The following RYR2 variants were observed in gnomAD, a reference collection of about 807,000 sequenced individuals.
RYR2 encodes cardiac muscle ryanodine receptor-calcium release channel.
In RYR2, 227 loss-of-function variants were observed where a neutral mutation model predicts 601.1. The ratio of observed to expected loss-of-function variants is 0.38; its 90% CI spans 0.34 to 0.42. RYR2 has a LOEUF of 0.42. RYR2 is among the 10% of genes least tolerant of loss of function. RYR2 has a pLI of 1.00. For missense variants in RYR2, 4,646 were observed against 6,156.5 expected, an observed-to-expected ratio of 0.75 and a Z score of 8.21; for synonymous variants, 2,223 against 2,175.1, an observed-to-expected ratio of 1.02 and a Z score of -0.61.
rs1243365063 is a variant in RYR2, at chr1:237,680,879, A to G, written c.9017+302A>G. On this transcript the variant is annotated intron_variant, in intron 62 of 104. Coordinates refer to ENST00000366574, the MANE Select transcript of RYR2 (RefSeq NM_001035.3). ...GCATCACCCTATTAGTATTTGTGATAAATGGTACTTTTGACATTAGTTTCT... is the reference window on the plus strand; with the variant it reads ...GCATCACCCTATTAGTATTTGTGATGAATGGTACTTTTGACATTAGTTTCT... Among the ~76,000 whole-genome samples the G allele has an allele frequency of 2.0e-5, 3 of 152,250 alleles. No homozygotes were observed. The East Asian group carries it at 5.8e-4, about 29-fold the overall frequency.
At position 237,599,948 on chromosome 1, in the gene RYR2, GTTGGA is replaced by G. The variant is rs563906491; in HGVS notation, c.4597-2070_4597-2066del. Among the ~76,000 whole-genome samples the G allele has an allele frequency of 3.7e-3, 565 of 152,170 alleles. 4 individuals carry two copies. The highest frequency in any genetic ancestry group is 0.01 in the Middle Eastern group (3 of 294). ...AATAAATGGAAAGATATCTCATGCT[GTTGGA>G]TTGGATGGATTGGAAGAATTAATAT... On this transcript the variant is annotated intron_variant, in intron 34 of 104. Coordinates refer to ENST00000366574, the MANE Select transcript of RYR2 (RefSeq NM_001035.3).
intron 1 of RYR2, among the ~76,000 whole-genome samples, chr1:237,202,089 G>A (rs1681259582): frequency 6.6e-6 from 1 of 152,154 alleles, no homozygotes; most frequent in Non-Finnish European, 1.5e-5. Flanking sequence ...TTCAAAAGAT[G>A]CTATTTGTTA....
chr1:237,411,408 C>T (rs1205772144), intron 10 of RYR2, among the ~76,000 whole-genome samples: 4 of 151,956 alleles, frequency 2.6e-5, no homozygotes, highest in Admixed American at 6.6e-5. Context: ...TTGTCCCGAG[C>T]GATTTTATAA....
chr1:237,124,715 C>A (rs1036518410), intron 1 of RYR2, among the ~76,000 whole-genome samples: 3 of 152,186 alleles, frequency 2.0e-5, no homozygotes, highest in Non-Finnish European at 4.4e-5. Context: ...CCTTAACCCT[C>A]CCTTGACAGG....
chr1:237,102,687 C>T (rs898665421), intron 1 of RYR2, among the ~76,000 whole-genome samples: 1 of 152,080 alleles, frequency 6.6e-6, no homozygotes, highest in Non-Finnish European at 1.5e-5. Flanking sequence ...GAAACCCCTT[C>T]TCTACTAAAA....
At chr1:237,715,513 G>A (rs1427965672) in intron 71 of RYR2, among the ~76,000 whole-genome samples, 2 of 152,236 alleles carry the variant, frequency 1.3e-5, no homozygotes, top group African/African-American at 4.8e-5. Context: ...ACTCAAAATT[G>A]AGCAATTTGT....
chr1:237,645,203 T>A (rs1049662481), intron 48 of RYR2, among the ~76,000 whole-genome samples: 1 of 152,202 alleles, frequency 6.6e-6, no homozygotes, highest in African/African-American at 2.4e-5. Flanking sequence ...GTCATGATTA[T>A]GAGAAAGTAA....
chr1:237,328,779 T>C (rs1696410927), intron 2 of RYR2, among the ~76,000 whole-genome samples: 1 of 152,212 alleles, frequency 6.6e-6, no homozygotes, highest in African/African-American at 2.4e-5. Flanking sequence ...TATGCTGTGA[T>C]GAAAAATCAT....
intron 80 of RYR2, chr1:237,754,956 G>C (rs1474329793): frequency 2.1e-6 from 1 of 476,130 alleles, no homozygotes; most frequent in Admixed American, 4.5e-5. Flanking sequence ...TCTTTTCTCT[G>C]CTTCCATTTA....
chr1:237,808,301 T>A (rs887641913), intron 99 of RYR2, among the ~76,000 whole-genome samples: 1 of 152,158 alleles, frequency 6.6e-6, no homozygotes, highest in Admixed American at 6.5e-5. Flanking sequence ...TAAAAATAAT[T>A]TACAGTCATA....
At position 237,733,273 on chromosome 1, in the gene RYR2, G is replaced by A. The variant is rs145814478; in HGVS notation, c.11040-432G>A. Among the ~76,000 whole-genome samples the A allele has an allele frequency of 4.6e-3, 695 of 152,162 alleles. 6 individuals are homozygous for A. The highest frequency in any genetic ancestry group is 0.024 in the Middle Eastern group (7 of 292). ...ATATTTTAACCTTTCTTAATTTTTAGGGATCATTATTATGGCCATCTTGTT... is the reference window on the plus strand; with the variant it reads ...ATATTTTAACCTTTCTTAATTTTTAAGGATCATTATTATGGCCATCTTGTT... On this transcript the variant is annotated intron_variant, in intron 78 of 104. Coordinates refer to ENST00000366574, the MANE Select transcript of RYR2 (RefSeq NM_001035.3).
At chr1:237,550,904 G>C (rs922990554) in intron 27 of RYR2, among the ~76,000 whole-genome samples, 5 of 152,114 alleles carry the variant, frequency 3.3e-5, no homozygotes, top group African/African-American at 1.2e-4. Context: ...TCTTTGGGCG[G>C]AGAAAATGGG....
intron 27 of RYR2, among the ~76,000 whole-genome samples, chr1:237,566,286 G>C (rs917004263): frequency 1.3e-5 from 2 of 151,964 alleles, no homozygotes; most frequent in Non-Finnish European, 2.9e-5. Flanking sequence ...CAGAAAGGTC[G>C]TTCCCTCCTG....
intron 36 of RYR2, among the ~76,000 whole-genome samples, chr1:237,611,246 G>T (rs576867788): frequency 6.6e-6 from 1 of 152,096 alleles, no homozygotes; most frequent in African/African-American, 2.4e-5. Flanking sequence ...TCACTCTTGC[G>T]TTACTTACAA....
chr1:237,171,328 G>A (rs1257952899), intron 1 of RYR2, among the ~76,000 whole-genome samples: 4 of 152,008 alleles, frequency 2.6e-5, no homozygotes, highest in African/African-American at 9.7e-5. Flanking sequence ...ACATGTAGTA[G>A]TTGCTAAATG....
chr1:237,482,866 A>G (rs1269604800), intron 17 of RYR2, among the ~76,000 whole-genome samples: 3 of 152,112 alleles, frequency 2.0e-5, no homozygotes, highest in Non-Finnish European at 4.4e-5. Flanking sequence ...AGCATTTGTT[A>G]TTGCCTGTCT....
chr1:237,778,879 CT>C, intron 88 of RYR2, 109 bp downstream of exon 88: 1 of 553,200 alleles, frequency 1.8e-6, no homozygotes, highest in Non-Finnish European at 3.3e-6. Context: ...TTTAAAATCA[CT>C]TTATCACTTG....
intron 11 of RYR2, among the ~76,000 whole-genome samples, chr1:237,417,356 A>C (rs1411234579): frequency 6.6e-6 from 1 of 152,124 alleles, no homozygotes; most frequent in Non-Finnish European, 1.5e-5. Flanking sequence ...AATTTTGTAC[A>C]GTCTGCTTTT....
Position 237,706,599 on chromosome 1 carries a change from G to A in RYR2, c.9581-350G>A, listed in dbSNP as rs529238205. Among the ~76,000 whole-genome samples, 5 of 152,236 alleles carry A rather than the reference G, an allele frequency of 3.3e-5. No homozygotes were observed. The South Asian group carries it at 1.0e-3, about 32-fold the overall frequency. On this transcript the variant is annotated intron_variant, in intron 67 of 104. Transcript: ENST00000366574. ...GTATTTGGTGGAGCCGTGAGTGGGG[G>A]ACTTCAAAACTTCCTCGAAAACGGG...
Sources: allele counts gnomAD v4.1 joint callset (sites outside exome capture counted in the v4.1 genomes callset), GRCh38; gene constraint gnomAD v4.1.1; transcripts MANE v1.5; gene names NCBI Gene and HGNC (gene_info 2026-07-23, HGNC 2026-07-21).